CACNA1C: variants seen among roughly 807,000 people sequenced by gnomAD.
CACNA1C encodes calcium voltage-gated channel subunit alpha1 C.
Under a neutral mutation model 229.0 loss-of-function variants are expected in CACNA1C, and 30 were observed. The observed-to-expected ratio is 0.13, with a 90% CI of 0.10 to 0.18. The LOEUF is 0.18. CACNA1C is among the 10% of genes least tolerant of loss of function. The probability of loss-of-function intolerance (pLI) is 1.00; values close to 1 mark genes in which losing one functional copy is unlikely to be tolerated. For synonymous variants in CACNA1C, 1,114 were observed against 1,132.5 expected, an observed-to-expected ratio of 0.98 and a Z score of 0.33; for missense variants, 1,658 against 2,845.0, an observed-to-expected ratio of 0.58 and a Z score of 9.49.
At chr12:2,024,643 T>C (rs2047002754) in intron 1 of CACNA1C, among the ~76,000 whole-genome samples, 1 of 152,170 alleles carries the variant, frequency 6.6e-6, no homozygotes, top group African/African-American at 2.4e-5. Context: ...ATGCAGTCTT[T>C]GTTCTGGGCA....
Position 2,688,484 on chromosome 12 carries a change from G to A in CACNA1C, c.5822G>A (p.Arg1941Lys). 2 of 1,613,722 alleles carry A rather than the reference G, an allele frequency of 1.2e-6. No individual in the cohort carries two copies. Residue 1941 changes from arginine to lysine, a missense_variant, in exon 46 of 47, where the codon AGA becomes AAA. Coordinates refer to ENST00000399655, the MANE Select transcript of CACNA1C (RefSeq NM_000719.7). The part of the protein sequence containing the change: ...AVAGLSPLLQ[R>K]SHSPASFPRP... ...GCAGGCCTGAGCCCCCTCCTCCAGAGAAGCCATTCCCCTGCCTCATTCCCT... is the reference window on the plus strand; with the variant it reads ...GCAGGCCTGAGCCCCCTCCTCCAGAAAAGCCATTCCCCTGCCTCATTCCCT...
intron 7 of CACNA1C, among the ~76,000 whole-genome samples, chr12:2,503,865 C>A (rs2099765847): frequency 6.6e-6 from 1 of 152,246 alleles, no homozygotes; most frequent in African/African-American, 2.4e-5. Flanking sequence ...TTGCCTCTCC[C>A]AGCCGGTGGC....
At chr12:2,546,590 C>T (rs535555296) in intron 9 of CACNA1C, among the ~76,000 whole-genome samples, 8 of 151,902 alleles carry the variant, frequency 5.3e-5, no homozygotes, top group Non-Finnish European at 8.8e-5. Flanking sequence ...CGTGCTCTCC[C>T]GTGCAGTGGC....
chr12:2,268,200 T>C (rs1448846108), intron 3 of CACNA1C, among the ~76,000 whole-genome samples: 1 of 151,884 alleles, frequency 6.6e-6, no homozygotes, highest in Non-Finnish European at 1.5e-5. Flanking sequence ...GAGGGGAAAG[T>C]GATGATGTGG....
chr12:2,547,543 C>G (rs765174835), intron 9 of CACNA1C: 9 of 779,302 alleles, frequency 1.2e-5, no homozygotes, highest in African/African-American at 8.5e-5. Flanking sequence ...CCCCTGTGCT[C>G]TGTGTGTGTA....
chr12:2,588,951 A>G (rs1204065596), intron 18 of CACNA1C, among the ~76,000 whole-genome samples: 1 of 152,154 alleles, frequency 6.6e-6, no homozygotes, highest in African/African-American at 2.4e-5. Context: ...AGAGGGTTCA[A>G]GGACAAGGAG....
At chr12:2,031,593 G>A (rs901497979) in intron 1 of CACNA1C, among the ~76,000 whole-genome samples, 2 of 152,060 alleles carry the variant, frequency 1.3e-5, no homozygotes, top group Non-Finnish European at 2.9e-5. Context: ...AGTCTCCTTG[G>A]GTCTCTATCT....
intron 5 of CACNA1C, among the ~76,000 whole-genome samples, chr12:2,476,657 T>TA (rs1457568875): frequency 2.0e-5 from 3 of 152,196 alleles, no homozygotes; most frequent in African/African-American, 7.2e-5. Context: ...ATTGGTAATA[T>TA]AAAAAATTAA....
intron 3 of CACNA1C, among the ~76,000 whole-genome samples, chr12:2,398,858 C>T (rs1182418020): frequency 6.6e-6 from 1 of 152,142 alleles, no homozygotes; most frequent in Non-Finnish European, 1.5e-5. Flanking sequence ...AGGAAGAAAT[C>T]ATGAAACATT....
intron 3 of CACNA1C, among the ~76,000 whole-genome samples, chr12:2,425,352 A>G (rs1480693087): frequency 2.0e-5 from 3 of 152,260 alleles, no homozygotes; most frequent in Admixed American, 6.5e-5. Flanking sequence ...GATTAATCAT[A>G]TAAGCGAAAA....
intron 3 of CACNA1C, among the ~76,000 whole-genome samples, chr12:2,427,095 AC>A (rs1446237946): frequency 6.6e-6 from 1 of 152,170 alleles, no homozygotes; most frequent in African/African-American, 2.4e-5. Flanking sequence ...AGACCAAAGA[AC>A]CCTTTAGTAG....
chr12:2,062,937 T>C (rs2058036779), intron 1 of CACNA1C, among the ~76,000 whole-genome samples: 1 of 152,184 alleles, frequency 6.6e-6, no homozygotes, highest in Admixed American at 6.5e-5. Context: ...AAATAGCAGC[T>C]TTGTTGAGGT....
intron 3 of CACNA1C, among the ~76,000 whole-genome samples, chr12:2,362,844 C>T (rs893904074): frequency 6.6e-6 from 1 of 152,154 alleles, no homozygotes; most frequent in Non-Finnish European, 1.5e-5. Flanking sequence ...CTAGGCCCAG[C>T]GGGCATCAGG....
chr12:2,389,341 G>A, intron 3 of CACNA1C, among the ~76,000 whole-genome samples: 1 of 152,118 alleles, frequency 6.6e-6, no homozygotes, highest in Non-Finnish European at 1.5e-5. Flanking sequence ...AGCAGTGGGA[G>A]GCAAGTGATG....
chr12:2,163,135 C>T (rs1308660844), intron 3 of CACNA1C, among the ~76,000 whole-genome samples: 1 of 149,082 alleles, frequency 6.7e-6, no homozygotes, highest in African/African-American at 2.5e-5. Flanking sequence ...GAGGCAGGGG[C>T]TACCGTGAGC....
chr12:2,379,012 C>T (rs563063265), intron 3 of CACNA1C, among the ~76,000 whole-genome samples: 73 of 152,252 alleles, frequency 4.8e-4, no homozygotes, highest in African/African-American at 4.8e-4. Context: ...AGGAGAACAG[C>T]GAGAAAAATA....
chr12:2,143,398 T>G (rs950411644), intron 3 of CACNA1C, among the ~76,000 whole-genome samples: 3 of 151,188 alleles, frequency 2.0e-5, no homozygotes, highest in African/African-American at 7.3e-5. Flanking sequence ...CAGAGCAACT[T>G]TCAGTCCTGC....
chr12:2,195,877 T>G (rs1294119530), intron 3 of CACNA1C, among the ~76,000 whole-genome samples: 3 of 152,206 alleles, frequency 2.0e-5, no homozygotes, highest in East Asian at 1.9e-4. Flanking sequence ...CTTCATTTTA[T>G]GTCAGCATCC....
At chr12:2,669,294 G>C (rs953247777) in intron 38 of CACNA1C, among the ~76,000 whole-genome samples, 1 of 151,966 alleles carries the variant, frequency 6.6e-6, no homozygotes, top group Non-Finnish European at 1.5e-5. Context: ...TGGAAGAATT[G>C]TCTTGGGCCA....
Sources: allele counts gnomAD v4.1 joint callset (sites outside exome capture counted in the v4.1 genomes callset), GRCh38; gene constraint gnomAD v4.1.1; transcripts MANE v1.5; gene names NCBI Gene and HGNC (gene_info 2026-07-23, HGNC 2026-07-21).